PLEKHA6: variants seen among roughly 807,000 people sequenced by gnomAD.
The protein encoded by PLEKHA6 is pleckstrin homology domain containing A6, also known as pleckstrin homology domain-containing family A member 6.
PLEKHA6 carries 60 observed loss-of-function variants against 116.7 expected under a neutral mutation model. The ratio of observed to expected loss-of-function variants is 0.51; its 90% CI spans 0.42 to 0.64. The LOEUF is 0.64. PLEKHA6 is among the 30% of genes least tolerant of loss of function. PLEKHA6 has a pLI of 0.00. For missense variants in PLEKHA6, 1,338 were observed against 1,422.7 expected (o/e 0.94, Z 0.96); for synonymous variants, 489 against 556.1 (o/e 0.88, Z 1.70).
chr1:204,350,779 C>T (rs7513240), intron 1 of PLEKHA6, among the ~76,000 whole-genome samples: 105,165 of 152,010 alleles, frequency 0.69, 36,622 homozygotes, highest in East Asian at 0.82. Context: ...AGCTCCTGAG[C>T]CGCCCTGTCA....
At chr1:204,320,443 G>A (rs1226432492) in intron 1 of PLEKHA6, 8 of 962,022 alleles carry the variant, frequency 8.3e-6, no homozygotes, top group Non-Finnish European at 9.9e-6. Flanking sequence ...GGAGACTGTG[G>A]GTGGGAAGGA....
intron 1 of PLEKHA6, among the ~76,000 whole-genome samples, chr1:204,322,518 C>T (rs966095254): frequency 7.9e-5 from 12 of 152,320 alleles, no homozygotes; most frequent in African/African-American, 2.9e-4. Context: ...CCAGCTTTTG[C>T]CACCTTCAAA....
At chr1:204,346,638 T>G in intron 1 of PLEKHA6, 1 of 645,052 alleles carries the variant, frequency 1.6e-6, no homozygotes, top group Admixed American at 2.6e-5. Flanking sequence ...CCTCCCTCAC[T>G]TCCCAATGTG....
chr1:204,331,851 G>C (rs1042735246), intron 1 of PLEKHA6, among the ~76,000 whole-genome samples: 1 of 149,272 alleles, frequency 6.7e-6, no homozygotes, highest in South Asian at 2.1e-4. Flanking sequence ...CATGCCCCTA[G>C]AGTCACCCAG....
chr1:204,257,357 G>T lies in PLEKHA6; in HGVS notation c.1520C>A (p.Pro507His), dbSNP rs747843952. Reference sequence around the variant, plus strand: ...AAGGGCAGGCTGGTGGCTCACCTTGGGGGAGCTGATGGATCGCCTCATCAC... The same window carrying T: ...AAGGGCAGGCTGGTGGCTCACCTTGTGGGAGCTGATGGATCGCCTCATCAC... Reference protein sequence around the residue: ...AYVMRRSISSPKVPPYPEVFR... With the variant: ...AYVMRRSISSHKVPPYPEVFR... The change falls in exon 9 of 23, where the codon CCC becomes CAC. Residue 507 changes from proline to histidine, a missense_variant. Physicochemically the swap from Pro to His is moderately conservative, Grantham distance 77 (BLOSUM62 -2). This residue lies in a region of PLEKHA6 where 1,136 missense variants were observed against 1,163.6 expected (regional missense o/e 0.98). Coordinates refer to ENST00000272203, the MANE Select transcript of PLEKHA6 (RefSeq NM_014935.5). The surrounding 1 kb of genome is among the most constrained non-coding windows in gnomAD (Gnocchi z 6.5). 2 of 1,561,210 alleles carry T rather than the reference G, an allele frequency of 1.3e-6. No homozygotes were observed. The highest frequency in any genetic ancestry group is 2.4e-5 in the East Asian group (1 of 41,834).
rs1336912622 is a variant in PLEKHA6, at chr1:204,308,681, CTTTTTCTTTTTTT to C, written c.-94-33885_-94-33873del. Among the ~76,000 whole-genome samples, 3 of 48,466 alleles carry C rather than the reference CTTTTTCTTTTTTT, an allele frequency of 6.2e-5. No homozygotes were observed. The East Asian group carries it at 1.0e-3, about 16-fold the overall frequency. The allele number at this position is 48,466 out of a possible 152,430, so 31.8% of individuals were successfully genotyped here. A position where few individuals can be genotyped will look rare whatever the true frequency, so the allele number is the denominator to read the frequency against. The stretch of plus-strand genomic sequence containing the variant: ...CTGACTCAAGAAGGTAATTCTTTTT[CTTTTTCTTTTTTT>C]TTTTTTTTTTTTTTGAGACAGAGTC... On this transcript the variant is annotated intron_variant, in intron 1 of 22. Transcript: ENST00000272203.
intron 2 of PLEKHA6, 65 bp downstream of exon 2, chr1:204,274,664 G>T: frequency 1.0e-6 from 1 of 985,854 alleles, no homozygotes; most frequent in Non-Finnish European, 1.2e-6. Flanking sequence ...CCAGCTGCAA[G>T]GAGGCAGTGG....
intron 3 of PLEKHA6, among the ~76,000 whole-genome samples, chr1:204,269,939 C>T (rs947688966): frequency 2.0e-5 from 3 of 152,310 alleles, no homozygotes; most frequent in Non-Finnish European, 4.4e-5. Flanking sequence ...CCCTTCAATA[C>T]ACCCAATGTC....
At chr1:204,337,035 T>G (rs1572200338) in intron 1 of PLEKHA6, among the ~76,000 whole-genome samples, 1 of 152,250 alleles carries the variant, frequency 6.6e-6, no homozygotes, top group Non-Finnish European at 1.5e-5. Flanking sequence ...AAATCTCATC[T>G]CTTTCTGGAC....
intron 1 of PLEKHA6, chr1:204,301,478 A>G: frequency 1.0e-6 from 1 of 985,434 alleles, no homozygotes; most frequent in Non-Finnish European, 1.2e-6. Context: ...ACATGCCCAC[A>G]GAGTCCAAAC....
chr1:204,359,550 T>C, intron 1 of PLEKHA6, 144 bp downstream of exon 1: 1 of 945,098 alleles, frequency 1.1e-6, no homozygotes, highest in Non-Finnish European at 1.3e-6. Context: ...CAAGTAAGGC[T>C]GCCAAGGATG....
intron 21 of PLEKHA6, among the ~76,000 whole-genome samples, chr1:204,224,349 T>C (rs888411719): frequency 6.6e-6 from 1 of 151,902 alleles, no homozygotes; most frequent in Non-Finnish European, 1.5e-5. Flanking sequence ...TCCAGACCCT[T>C]ATGCATCCTC....
At chr1:204,356,403 C>CA (rs1376733229) in intron 1 of PLEKHA6, among the ~76,000 whole-genome samples, 1 of 151,906 alleles carries the variant, frequency 6.6e-6, no homozygotes, top group Non-Finnish European at 1.5e-5. Flanking sequence ...CCAACTCTAT[C>CA]AAAAATACAT....
chr1:204,264,883 G>T (rs1185938957), intron 6 of PLEKHA6, 59 bp downstream of exon 6: 13 of 1,186,820 alleles, frequency 1.1e-5, no homozygotes, highest in Non-Finnish European at 1.6e-5. Flanking sequence ...CATTCCCATA[G>T]GCTCTAGAAG....
At position 204,257,951 on chromosome 1, in the gene PLEKHA6, A is replaced by C. The variant is rs554275999; in HGVS notation, c.1008-82T>G. The C allele has an allele frequency of 6.2e-6, 8 of 1,292,182 alleles. No homozygotes were observed. In the South Asian group the frequency reaches 1.2e-4, roughly 19 times the overall value. The allele number at this position is 1,292,182 out of a possible 1,614,324, so 80.0% of individuals were successfully genotyped here. A position where few individuals can be genotyped will look rare whatever the true frequency, so the allele number is the denominator to read the frequency against. ...CCCCAGCCCCACCTCCAGGTCCCCC[A>C]GCCTAGAGCAGGGTGCTTGAATAGG... On this transcript the variant is annotated intron_variant, in intron 8 of 22. Transcript: ENST00000272203. This position sits in a 1 kb window ranked among gnomAD's most constrained non-coding sequence, Gnocchi z 6.5.
At chr1:204,320,349 G>T in intron 1 of PLEKHA6, 1 of 253,744 alleles carries the variant, frequency 3.9e-6, no homozygotes, top group Non-Finnish European at 6.2e-6. Context: ...GTGCTTCTTA[G>T]GTGGGGAGCT....
At chr1:204,241,879 A>G in intron 15 of PLEKHA6, 65 bp from the exon 16 acceptor site, 1 of 1,561,930 alleles carries the variant, frequency 6.4e-7, no homozygotes, top group Non-Finnish European at 8.8e-7. Context: ...GCCCCCAGTG[A>G]TGTTTCTTTG....
intron 1 of PLEKHA6, among the ~76,000 whole-genome samples, chr1:204,282,978 G>A (rs1199004094): frequency 1.3e-5 from 2 of 152,204 alleles, no homozygotes; most frequent in Admixed American, 1.3e-4. Flanking sequence ...GATCCCAAGG[G>A]GTAACAGGGC....
At chr1:204,286,935 T>C (rs2103003579) in intron 1 of PLEKHA6, among the ~76,000 whole-genome samples, 1 of 152,266 alleles carries the variant, frequency 6.6e-6, no homozygotes, top group South Asian at 2.1e-4. Flanking sequence ...TTCCCCCTAT[T>C]GTGCCTGGTT....
Sources: gnomAD v4.1 joint callset for allele counts (sites outside exome capture counted in the v4.1 genomes callset) on GRCh38, gnomAD v4.1.1 for gene constraint, gnomAD v4.1.1 regional missense constraint, Gnocchi (gnomAD v3.1) non-coding constraint, MANE v1.5 for transcripts, NCBI Gene and HGNC (gene_info 2026-07-23, HGNC 2026-07-21) for gene names.